The following DLEU7 variants were observed in gnomAD, a reference collection of about 807,000 sequenced individuals.
DLEU7 encodes the protein leukemia-associated protein 7.
In DLEU7, 17 loss-of-function variants were observed where a neutral mutation model predicts 16.0. The observed-to-expected ratio is 1.06, with a 90% CI of 0.73 to 1.59. The LOEUF (loss-of-function observed/expected upper bound fraction) is 1.59. Among genes scored for constraint, DLEU7 ranks in the 40% most tolerant of loss-of-function variants. DLEU7 has a pLI of 0.00. For missense variants in DLEU7, 308 were observed against 314.9 expected (o/e 0.98, Z 0.17); for synonymous variants, 113 against 139.8 (o/e 0.81, Z 1.35).
intron 1 of DLEU7, among the ~76,000 whole-genome samples, chr13:50,767,366 G>A (rs113742660): frequency 0.019 from 2,762 of 147,304 alleles, 93 homozygotes; most frequent in African/African-American, 0.065. Context: ...TGAGGCAGGA[G>A]AATGGCGTGA....
chr13:50,810,386 G>C (rs3889478), intron 1 of DLEU7, among the ~76,000 whole-genome samples: 32,000 of 151,948 alleles, frequency 0.21, 4,143 homozygotes, highest in Non-Finnish European at 0.3. Flanking sequence ...ATTTTACAAA[G>C]AAAGGTCATC....
At chr13:50,799,375 G>A (rs1335771030) in intron 1 of DLEU7, among the ~76,000 whole-genome samples, 2 of 152,092 alleles carry the variant, frequency 1.3e-5, no homozygotes, top group African/African-American at 2.4e-5. Flanking sequence ...TGCATTTCAC[G>A]GGTTTGTGCT....
intron 1 of DLEU7, among the ~76,000 whole-genome samples, chr13:50,782,068 A>C (rs2137766111): frequency 6.6e-6 from 1 of 152,234 alleles, no homozygotes; most frequent in Admixed American, 6.5e-5. Context: ...CCATACCCCC[A>C]AAAAACTTGG....
intron 1 of DLEU7, among the ~76,000 whole-genome samples, chr13:50,748,228 C>CT (rs71085044): frequency 0.3 from 27,101 of 89,200 alleles, 4,264 homozygotes; most frequent in South Asian, 0.43. Flanking sequence ...ACTCCTTAAA[C>CT]TTTTTTTTTT....
intron 1 of DLEU7, among the ~76,000 whole-genome samples, chr13:50,809,595 T>C (rs1255167752): frequency 6.6e-6 from 1 of 152,120 alleles, no homozygotes; most frequent in Non-Finnish European, 1.5e-5. Context: ...CAATCTTACC[T>C]TCTGTCTCCA....
At chr13:50,818,865 C>T (rs1876809806), downstream of DLEU7, among the ~76,000 whole-genome samples, 1 of 152,118 alleles carries the variant, frequency 6.6e-6, no homozygotes. Flanking sequence ...TCTCCCTTTG[C>T]CTTCTTCTTA....
rs71085045 is a variant in DLEU7 at position 50,762,189 on chromosome 13, C to CA, written c.460-48950dup. On this transcript the variant is annotated intron_variant, in intron 1 of 1. Coordinates refer to the DLEU7 transcript ENST00000400393. ...CTGGGTGACAGAGCGAGACTCGTCT[C>CA]AAAAAAAAAAAAAAAAAAAAAAGAA... is the stretch of plus-strand genomic sequence containing the variant. Among the ~76,000 whole-genome samples, 561 of 83,958 alleles carry CA rather than the reference C, an allele frequency of 6.7e-3. 6 individuals carry two copies. The highest frequency in any genetic ancestry group is 0.019 in the South Asian group (43 of 2,288). The allele number at this position is 83,958 out of a possible 152,430, so 55.1% of individuals were successfully genotyped here.
chr13:50,751,173 C>T (rs1219374646), intron 1 of DLEU7, among the ~76,000 whole-genome samples: 9 of 152,138 alleles, frequency 5.9e-5, no homozygotes, highest in East Asian at 1.9e-4. Flanking sequence ...GCTTTTTCCA[C>T]GTCTATTGAG....
At chr13:50,786,699 T>A (rs958168671) in intron 1 of DLEU7, among the ~76,000 whole-genome samples, 1 of 152,254 alleles carries the variant, frequency 6.6e-6, no homozygotes, top group East Asian at 1.9e-4. Flanking sequence ...ATTTTCAAAA[T>A]GGAATTTTTA....
intron 1 of DLEU7, among the ~76,000 whole-genome samples, chr13:50,762,189 C>CAAAAAAAAAAAAAAA (rs71085045): frequency 2.4e-5 from 2 of 84,294 alleles, no homozygotes; most frequent in East Asian, 3.7e-4. Flanking sequence ...AGACTCGTCT[C>CAAAAAAAAAAAAAAA]AAAAAAAAAA....
intron 1 of DLEU7, among the ~76,000 whole-genome samples, chr13:50,834,713 G>T (rs559341338): frequency 9.9e-5 from 15 of 152,186 alleles, no homozygotes; most frequent in African/African-American, 3.6e-4. Flanking sequence ...AAGGATTATA[G>T]GTCATTCTAC....
Position 50,794,772 on chromosome 13 carries a change from C to A in DLEU7, c.459+48416G>T, listed in dbSNP as rs1329388450. Reference sequence around the variant, plus strand: ...CTCAAATGATTAATTTGCTGAAGTTCACAATCAATGTTAAATACAGGATTT... The same window carrying A: ...CTCAAATGATTAATTTGCTGAAGTTAACAATCAATGTTAAATACAGGATTT... On this transcript the variant is annotated intron_variant, in intron 1 of 1. Coordinates refer to the DLEU7 transcript ENST00000400393. 3.9e-5 allele frequency among the ~76,000 whole-genome samples: 6 copies of A among 152,186 alleles called. No homozygotes were observed. In the East Asian group the frequency reaches 1.2e-3, roughly 29 times the overall value.
intron 1 of DLEU7, among the ~76,000 whole-genome samples, chr13:50,805,579 CT>C (rs1170703944): frequency 6.6e-6 from 1 of 152,034 alleles, no homozygotes; most frequent in Non-Finnish European, 1.5e-5. Flanking sequence ...TCATATAACC[CT>C]TTTAAATATC....
At chr13:50,789,046 T>C (rs1363249828) in intron 1 of DLEU7, among the ~76,000 whole-genome samples, 5 of 152,080 alleles carry the variant, frequency 3.3e-5, no homozygotes, top group Non-Finnish European at 7.4e-5. Flanking sequence ...ATCTGGAGCA[T>C]CGTCGTATTG....
intron 1 of DLEU7, among the ~76,000 whole-genome samples, chr13:50,727,006 C>A (rs1873778881): frequency 6.6e-6 from 1 of 152,168 alleles, no homozygotes; most frequent in East Asian, 1.9e-4. Context: ...GTTTTAAGCA[C>A]TGCACATACC....
downstream of DLEU7, chr13:50,822,490 T>C (rs557944798): frequency 2.2e-5 from 6 of 276,062 alleles, no homozygotes; most frequent in African/African-American, 1.7e-4. Flanking sequence ...TGTGGACTGT[T>C]GTTGAAAAAA....
At chr13:50,792,017 T>C (rs1875973663) in intron 1 of DLEU7, among the ~76,000 whole-genome samples, 1 of 152,190 alleles carries the variant, frequency 6.6e-6, no homozygotes, top group Non-Finnish European at 1.5e-5. Context: ...AGGACTGTTG[T>C]CAAATCTGGG....
intron 1 of DLEU7, among the ~76,000 whole-genome samples, chr13:50,785,379 G>A (rs1040370075): frequency 7.9e-5 from 12 of 152,150 alleles, no homozygotes; most frequent in African/African-American, 2.7e-4. Flanking sequence ...GTTTTTGAGA[G>A]GAGTACCTGG....
At chr13:50,714,523 G>A (rs1191340301) in intron 1 of DLEU7, among the ~76,000 whole-genome samples, 1 of 152,144 alleles carries the variant, frequency 6.6e-6, no homozygotes, top group Non-Finnish European at 1.5e-5. Context: ...AAAAAATATT[G>A]TTAAAAATGC....
Sources: gnomAD v4.1 joint callset for allele counts (sites outside exome capture counted in the v4.1 genomes callset) on GRCh38, gnomAD v4.1.1 for gene constraint, MANE v1.5 for transcripts, NCBI Gene and HGNC (gene_info 2026-07-23, HGNC 2026-07-21) for gene names.